TACR1: variants seen among roughly 807,000 people sequenced by gnomAD.
TACR1 encodes substance-P receptor.
TACR1 carries 25 observed loss-of-function variants against 35.8 expected under a neutral mutation model. That is an observed-to-expected ratio of 0.70 (90% CI 0.51 to 0.98). The LOEUF (loss-of-function observed/expected upper bound fraction) is 0.98. Among genes scored for constraint, TACR1 ranks in the 50% least tolerant of loss-of-function variants. The probability of loss-of-function intolerance (pLI) is 0.00; values close to 1 mark genes in which losing one functional copy is unlikely to be tolerated. For missense variants in TACR1, 478 were observed against 522.9 expected, an observed-to-expected ratio of 0.91 and a Z score of 0.84; for synonymous variants, 195 against 206.7, an observed-to-expected ratio of 0.94 and a Z score of 0.48.
At chr2:75,090,516 A>G (rs1445993255) in intron 2 of TACR1, among the ~76,000 whole-genome samples, 1 of 152,190 alleles carries the variant, frequency 6.6e-6, no homozygotes, top group Non-Finnish European at 1.5e-5. Flanking sequence ...ATTCCTTTCT[A>G]TTGATCCCAA....
At chr2:75,163,033 G>T (rs377134318) in intron 1 of TACR1, among the ~76,000 whole-genome samples, 1 of 152,214 alleles carries the variant, frequency 6.6e-6, no homozygotes, top group East Asian at 1.9e-4. Context: ...GAGTGAAAGT[G>T]ATGTGTGCCA....
At chr2:75,067,782 G>T (rs1672796174) in intron 2 of TACR1, among the ~76,000 whole-genome samples, 1 of 152,166 alleles carries the variant, frequency 6.6e-6, no homozygotes, top group South Asian at 2.1e-4. Context: ...CATTGGAGAA[G>T]CTAACAGAAT....
intron 1 of TACR1, among the ~76,000 whole-genome samples, chr2:75,154,754 C>G (rs1674803166): frequency 6.6e-6 from 1 of 152,024 alleles, no homozygotes; most frequent in Non-Finnish European, 1.5e-5. Flanking sequence ...CAGGTCTCTC[C>G]CTGTCTATCT....
intron 2 of TACR1, among the ~76,000 whole-genome samples, chr2:75,109,421 T>C (rs1183088896): frequency 2.0e-5 from 3 of 152,124 alleles, no homozygotes; most frequent in Non-Finnish European, 4.4e-5. Flanking sequence ...CCCCTTTAAC[T>C]TGGAATCTAT....
At chr2:75,053,778 G>T (rs921900530) in intron 2 of TACR1, 23 bp from the exon 3 acceptor site, 17 of 1,613,956 alleles carry the variant, frequency 1.1e-5, no homozygotes, top group African/African-American at 1.3e-5. Context: ...AAACAGGAAA[G>T]GTCAGTATGA....
chr2:75,104,976 G>C (rs1341507961), intron 2 of TACR1, among the ~76,000 whole-genome samples: 1 of 152,050 alleles, frequency 6.6e-6, no homozygotes, highest in Non-Finnish European at 1.5e-5. Flanking sequence ...AAACCATACG[G>C]AAGTTCCTAA....
chr2:75,075,904 A>C (rs1572914248), intron 2 of TACR1, among the ~76,000 whole-genome samples: 1 of 152,370 alleles, frequency 6.6e-6, no homozygotes, highest in South Asian at 2.1e-4. Flanking sequence ...CATAGTTTTT[A>C]CAAAATCACC....
chr2:75,079,415 G>A (rs1036792891), intron 2 of TACR1, among the ~76,000 whole-genome samples: 1 of 152,126 alleles, frequency 6.6e-6, no homozygotes, highest in African/African-American at 2.4e-5. Flanking sequence ...CTTTCTACTG[G>A]TTAAAGTGTT....
chr2:75,182,865 C>T (rs533819132), intron 1 of TACR1, among the ~76,000 whole-genome samples: 28 of 152,232 alleles, frequency 1.8e-4, no homozygotes, highest in Non-Finnish European at 3.4e-4. Flanking sequence ...CATTGTTAAG[C>T]GATGTATTTC....
chr2:75,070,229 G>GTGTA (rs1158123059), intron 2 of TACR1, among the ~76,000 whole-genome samples: 1 of 119,970 alleles, frequency 8.3e-6, no homozygotes, highest in Non-Finnish European at 1.6e-5. Context: ...ATGTGTGTGT[G>GTGTA]TGTATGTGTG....
At chr2:75,066,948 G>A (rs565034858) in intron 2 of TACR1, among the ~76,000 whole-genome samples, 1 of 152,298 alleles carries the variant, frequency 6.6e-6, no homozygotes, top group East Asian at 1.9e-4. Context: ...ATAATTTCTG[G>A]ACTATCTTTT....
chr2:75,116,550 T>TTA (rs1271849956), intron 2 of TACR1, among the ~76,000 whole-genome samples: 6 of 152,158 alleles, frequency 3.9e-5, no homozygotes, highest in African/African-American at 1.4e-4. Flanking sequence ...TTTAGGGTAA[T>TTA]TACCTGCAAG....
intron 2 of TACR1, among the ~76,000 whole-genome samples, chr2:75,062,552 C>G (rs1013987498): frequency 2.0e-5 from 3 of 152,142 alleles, no homozygotes; most frequent in African/African-American, 7.2e-5. Flanking sequence ...AGCTAGTCTT[C>G]TATTTCTTCT....
At position 75,049,161 on chromosome 2, in the gene TACR1, C is replaced by G. The variant is rs1227448465; in HGVS notation, c.*271G>C. 2 of 444,168 alleles carry G rather than the reference C, an allele frequency of 4.5e-6. No individual in the cohort carries two copies. Among genetic ancestry groups the G allele is most frequent in the Non-Finnish European group, 8.0e-6 (2 of 249,750 alleles). 27.5% of individuals were successfully genotyped at this position (444,168 alleles called of 1,614,324 possible). On this transcript the variant is annotated 3_prime_UTR_variant, in exon 5 of 5. Coordinates refer to ENST00000305249, the MANE Select transcript of TACR1 (RefSeq NM_001058.4). Reference sequence around the variant, plus strand: ...TCACTTCCAGAATGGAATGAATGGGCTTTTGGGAAAAGCTGGTCCGACCTT... The same window carrying G: ...TCACTTCCAGAATGGAATGAATGGGGTTTTGGGAAAAGCTGGTCCGACCTT...
intron 1 of TACR1, chr2:75,186,856 A>G (rs1340601393): frequency 2.0e-5 from 3 of 152,198 alleles, no homozygotes; most frequent in South Asian, 2.1e-4. Flanking sequence ...AAGCTGTGCT[A>G]TTTTCAAAAT....
intron 1 of TACR1, among the ~76,000 whole-genome samples, chr2:75,175,854 T>TA (rs754467305): frequency 3.9e-5 from 6 of 152,140 alleles, no homozygotes; most frequent in Non-Finnish European, 2.9e-5. Flanking sequence ...ATAGAAAACA[T>TA]ACATTTTGAA....
chr2:75,099,555 A>C (rs1297872772), intron 2 of TACR1, among the ~76,000 whole-genome samples: 2 of 152,190 alleles, frequency 1.3e-5, no homozygotes, highest in African/African-American at 4.8e-5. Flanking sequence ...CATCTGATAA[A>C]AATCTCAGGC....
intron 2 of TACR1, among the ~76,000 whole-genome samples, chr2:75,056,204 A>G (rs1259035359): frequency 1.3e-5 from 2 of 152,142 alleles, no homozygotes. Context: ...TGTATCTGAT[A>G]CTTTGGCATC....
At chr2:75,127,870 C>G (rs944059360) in intron 1 of TACR1, among the ~76,000 whole-genome samples, 2 of 152,162 alleles carry the variant, frequency 1.3e-5, no homozygotes, top group Admixed American at 6.6e-5. Flanking sequence ...CCATCTCTTT[C>G]AGGAAAACTT....
Sources: allele counts gnomAD v4.1 joint callset (sites outside exome capture counted in the v4.1 genomes callset), GRCh38; gene constraint gnomAD v4.1.1; transcripts MANE v1.5; gene names NCBI Gene and HGNC (gene_info 2026-07-23, HGNC 2026-07-21).